Variants in NECAB2 observed in about 807,000 individuals in gnomAD.
NECAB2 encodes N-terminal EF-hand calcium binding protein 2.
In NECAB2, 68 loss-of-function variants were observed where a neutral mutation model predicts 51.9. The observed-to-expected ratio is 1.31, with a 90% CI of 1.08 to 1.60. The LOEUF is 1.60. Among genes scored for constraint, NECAB2 ranks in the 40% most tolerant of loss-of-function variants. NECAB2 has a pLI of 0.00. For synonymous variants in NECAB2, 329 were observed against 203.5 expected (o/e 1.62, Z -5.25); for missense variants, 854 against 490.3 (o/e 1.74, Z -7.00).
chr16:83,998,190 TGCTGTGCCCGGCAGCACCTGCA>T lies in NECAB2; in HGVS notation c.850-10_861del. Reference sequence around the variant, plus strand: ...TGACGTGGAGCCCCACACTGACTCCTGCTGTGCCCGGCAGCACCTGCAGCTGGTCCGGCAGGAGATGGCCGTG... The same window carrying T: ...TGACGTGGAGCCCCACACTGACTCCTGCTGGTCCGGCAGGAGATGGCCGTG... On this transcript the variant is annotated splice_acceptor_variant and splice_polypyrimidine_tract_variant and coding_sequence_variant and intron_variant, in exon 10 of 13. Transcript: ENST00000305202. LOFTEE classifies it high-confidence loss of function. 1.2e-6 allele frequency: 2 copies of T among 1,605,436 alleles called. No homozygotes were observed. Among genetic ancestry groups the T allele is most frequent in the Non-Finnish European group, 1.7e-6 (2 of 1,179,520 alleles).
At chr16:83,990,657 C>T (rs1183614344) in intron 6 of NECAB2, 27 bp downstream of exon 6, 1 of 1,612,522 alleles carries the variant, frequency 6.2e-7, no homozygotes, top group Non-Finnish European at 8.5e-7. Flanking sequence ...CTGCAGGGTC[C>T]CATGGGGGTA....
intron 11 of NECAB2, among the ~76,000 whole-genome samples, chr16:84,001,384 C>G (rs115645387): frequency 6.6e-6 from 1 of 151,918 alleles, no homozygotes; most frequent in African/African-American, 2.4e-5. Flanking sequence ...TAAACACTCA[C>G]GGTTTGCTGA....
chr16:83,972,712 G>T (rs1345875429), intron 2 of NECAB2, among the ~76,000 whole-genome samples: 34 of 152,128 alleles, frequency 2.2e-4, no homozygotes, highest in Non-Finnish European at 2.9e-5. Flanking sequence ...TGAAGACCGG[G>T]GCCCTTTTCC....
intron 5 of NECAB2, among the ~76,000 whole-genome samples, chr16:83,984,851 A>G (rs1441247787): frequency 6.6e-6 from 1 of 152,198 alleles, no homozygotes; most frequent in Non-Finnish European, 1.5e-5. Context: ...TCAAATAACA[A>G]GCTCCTGGCA....
In NECAB2 at chr16:84,001,867, G is replaced by C. The variant is rs140362120; in HGVS notation, c.1083G>C (p.Lys361Asn). 1.5e-5 allele frequency: 25 copies of C among 1,614,040 alleles called. No individual in the cohort carries two copies. The African/African-American group carries it at 2.9e-4, about 19-fold the overall frequency. ...TGTGTAAGGCGTTCCGGCACGTCAA[G>C]GTGGACACACTGAGCCAGCCTGAGG... Reference protein sequence around the residue: ...SPLCKAFRHVKVDTLSQPEAL... With the variant: ...SPLCKAFRHVNVDTLSQPEAL... Residue 361 changes from lysine to asparagine, a missense_variant, in exon 12 of 13, where the codon AAG becomes AAC. Physicochemically the swap from Lys to Asn is moderately conservative, Grantham distance 94. Transcript: ENST00000305202.
intron 6 of NECAB2, 125 bp downstream of exon 6, chr16:83,990,755 C>G (rs2151095175): frequency 8.0e-7 from 1 of 1,250,244 alleles, no homozygotes; most frequent in Non-Finnish European, 1.1e-6. Flanking sequence ...GTTGCCACAG[C>G]TCTTTGTGCC....
Position 83,998,378 on chromosome 16 carries a change from G to A in NECAB2, c.962+61G>A, listed in dbSNP as rs547104178. The A allele has an allele frequency of 7.3e-6, 11 of 1,506,388 alleles. No individual in the cohort carries two copies. In the East Asian group the frequency reaches 2.3e-4, roughly 31 times the overall value. The allele number at this position is 1,506,388 out of a possible 1,614,324, so 93.3% of individuals were successfully genotyped here. On this transcript the variant is annotated intron_variant, in intron 10 of 12. Transcript: ENST00000305202. ...CAGGGAGCTCTGCCTGGCAGTGGAG[G>A]AACAGGGCAGGACTAGGCTTTGCCC...
intron 2 of NECAB2, among the ~76,000 whole-genome samples, chr16:83,977,593 A>G (rs28599594): frequency 0.021 from 3,213 of 151,990 alleles, 43 homozygotes; most frequent in African/African-American, 0.036. Context: ...TCCACAGAGG[A>G]GCTGTGGAGG....
At chr16:83,975,460 G>C (rs1489422840) in intron 2 of NECAB2, among the ~76,000 whole-genome samples, 1 of 152,150 alleles carries the variant, frequency 6.6e-6, no homozygotes, top group East Asian at 1.9e-4. Flanking sequence ...GTGTCCACAG[G>C]AAGGATGGAT....
chr16:83,980,699 C>T (rs539017362), intron 3 of NECAB2, 140 bp from the exon 4 acceptor site: 1 of 1,188,448 alleles, frequency 8.4e-7, no homozygotes. Flanking sequence ...GCTGCACCCT[C>T]TTCTGTAAGG....
Position 83,991,435 on chromosome 16 carries a change from C to T in NECAB2, c.596+805C>T, listed in dbSNP as rs1348261972. On this transcript the variant is annotated intron_variant, in intron 6 of 12. Coordinates refer to ENST00000305202, the MANE Select transcript of NECAB2 (RefSeq NM_019065.3). ...AGGCTGGAGTGCAGTGGCGAGATCTCAGCTCACTGCAACGTCCGCCTCCCA... is the reference window on the plus strand; with the variant it reads ...AGGCTGGAGTGCAGTGGCGAGATCTTAGCTCACTGCAACGTCCGCCTCCCA... Among the ~76,000 whole-genome samples, 3 of 135,200 alleles carry T rather than the reference C, an allele frequency of 2.2e-5. No individual in the cohort carries two copies. The Admixed American group carries it at 2.3e-4, about 11-fold the overall frequency. 88.7% of individuals were successfully genotyped at this position (135,200 alleles called of 152,430 possible). A position where few individuals can be genotyped will look rare whatever the true frequency, so the allele number is the denominator to read the frequency against.
Position 84,000,813 on chromosome 16 carries a change from G to A in NECAB2, c.1040+12G>A. 1.9e-6 allele frequency: 3 copies of A among 1,612,282 alleles called. No individual in the cohort carries two copies. Among genetic ancestry groups the A allele is most frequent in the Non-Finnish European group, 2.5e-6 (3 of 1,178,920 alleles). On this transcript the variant is annotated intron_variant, in intron 11 of 12. Coordinates refer to ENST00000305202, the MANE Select transcript of NECAB2 (RefSeq NM_019065.3). ...GAGGCGTGGAAGAGGTGAGATGCTG[G>A]GTCCCCACAGCAGGTGAGGGAGACA...
At chr16:83,977,507 C>G (rs2084427462) in intron 2 of NECAB2, among the ~76,000 whole-genome samples, 1 of 152,100 alleles carries the variant, frequency 6.6e-6, no homozygotes, top group African/African-American at 2.4e-5. Context: ...CCCAGAGCAA[C>G]TGCAAGTGAA....
chr16:83,997,557 G>A (rs951706799), intron 9 of NECAB2, among the ~76,000 whole-genome samples: 7 of 142,518 alleles, frequency 4.9e-5, no homozygotes, highest in African/African-American at 1.6e-4. Flanking sequence ...GTGGGATGTC[G>A]GCTTACTGCA....
chr16:83,980,449 G>C (rs942440014), intron 3 of NECAB2, among the ~76,000 whole-genome samples: 1 of 152,310 alleles, frequency 6.6e-6, no homozygotes, highest in African/African-American at 2.4e-5. Context: ...CCAGGACCCA[G>C]CAGGCAGGGT....
At chr16:83,981,812 C>T (rs1221070115) in intron 5 of NECAB2, among the ~76,000 whole-genome samples, 2 of 152,144 alleles carry the variant, frequency 1.3e-5, no homozygotes, top group Admixed American at 1.3e-4. Context: ...GGTCCAGGCC[C>T]ACGGTGAGGG....
intron 10 of NECAB2, among the ~76,000 whole-genome samples, chr16:83,999,019 A>C (rs1394022154): frequency 6.6e-6 from 1 of 152,072 alleles, no homozygotes; most frequent in Non-Finnish European, 1.5e-5. Context: ...CTCCCTTCCC[A>C]GGGCTTTCTT....
intron 5 of NECAB2, among the ~76,000 whole-genome samples, chr16:83,986,050 T>C (rs11865823): frequency 0.31 from 46,843 of 152,146 alleles, 13,636 homozygotes; most frequent in African/African-American, 0.77. Context: ...GAGTTTCTCT[T>C]TCGTTGCCCA....
chr16:83,980,175 C>T (rs1253517769), intron 3 of NECAB2, among the ~76,000 whole-genome samples: 2 of 152,234 alleles, frequency 1.3e-5, no homozygotes, highest in Non-Finnish European at 2.9e-5. Context: ...GGCAGTAGCT[C>T]CTTATCCAGA....
Sources: gnomAD v4.1 joint callset for allele counts (sites outside exome capture counted in the v4.1 genomes callset) on GRCh38, gnomAD v4.1.1 for gene constraint, MANE v1.5 for transcripts, NCBI Gene and HGNC (gene_info 2026-07-23, HGNC 2026-07-21) for gene names.